The following DNAJC6 variants were observed in gnomAD, a reference collection of about 807,000 sequenced individuals.
DNAJC6 encodes DnaJ heat shock protein family (Hsp40) member C6.
DNAJC6 carries 34 observed loss-of-function variants against 110.0 expected under a neutral mutation model. That is an observed-to-expected ratio of 0.31 (90% confidence interval 0.24 to 0.41). The LOEUF is 0.41. DNAJC6 is among the 10% of genes least tolerant of loss of function. DNAJC6 has a pLI of 1.00. For synonymous variants in DNAJC6, 406 were observed against 437.2 expected, an observed-to-expected ratio of 0.93 and a Z score of 0.89; for missense variants, 1,031 against 1,207.8, an observed-to-expected ratio of 0.85 and a Z score of 2.17.
At chr1:65,322,065 A>T (rs766678171) in intron 1 of DNAJC6, among the ~76,000 whole-genome samples, 7 of 152,202 alleles carry the variant, frequency 4.6e-5, no homozygotes, top group Non-Finnish European at 8.8e-5. Context: ...TGTCTCCATT[A>T]TGCCTCTCAT....
chr1:65,408,893 C>A, intron 17 of DNAJC6, 110 bp downstream of exon 17: 1 of 1,296,230 alleles, frequency 7.7e-7, no homozygotes, highest in Non-Finnish European at 1.0e-6. Flanking sequence ...TTAGCCCATT[C>A]AGGCTGCTAT....
chr1:65,278,337 T>G (rs1231866486), intron 1 of DNAJC6, among the ~76,000 whole-genome samples: 1 of 152,220 alleles, frequency 6.6e-6, no homozygotes, highest in Non-Finnish European at 1.5e-5. Flanking sequence ...GGTCAATTCA[T>G]GTGACATAGT....
chr1:65,384,134 C>T (rs927333400), intron 5 of DNAJC6, 59 bp from the exon 6 acceptor site: 1 of 1,348,866 alleles, frequency 7.4e-7, no homozygotes, highest in Non-Finnish European at 9.6e-7. Flanking sequence ...CTGCCATTTT[C>T]AATGGAGAAT....
intron 1 of DNAJC6, among the ~76,000 whole-genome samples, chr1:65,293,431 C>T (rs992018797): frequency 1.7e-4 from 26 of 152,116 alleles, no homozygotes; most frequent in African/African-American, 4.8e-4. Context: ...CCAAAGGCCC[C>T]CATCTCCAAA....
intron 4 of DNAJC6, among the ~76,000 whole-genome samples, chr1:65,376,913 G>A (rs1047141664): frequency 7.9e-5 from 12 of 152,234 alleles, no homozygotes; most frequent in African/African-American, 2.6e-4. Flanking sequence ...GGGATTACTG[G>A]TGCCTGGCAC....
At chr1:65,302,411 T>G (rs1570245300) in intron 1 of DNAJC6, among the ~76,000 whole-genome samples, 1 of 149,334 alleles carries the variant, frequency 6.7e-6, no homozygotes, top group East Asian at 2.0e-4. Flanking sequence ...AACAGGTGAT[T>G]AGGCCATAAG....
intron 1 of DNAJC6, among the ~76,000 whole-genome samples, chr1:65,268,089 T>C (rs1653395363): frequency 6.6e-6 from 1 of 152,184 alleles, no homozygotes; most frequent in Non-Finnish European, 1.5e-5. Flanking sequence ...TTGTAAAGAC[T>C]GAAAAAGAGA....
At chr1:65,335,275 A>AT (rs71056101) in intron 1 of DNAJC6, among the ~76,000 whole-genome samples, 38,792 of 146,474 alleles carry the variant, frequency 0.26, 7,668 homozygotes, top group African/African-American at 0.52. Context: ...CGCCCAGCTA[A>AT]TTTTTTTTTT....
chr1:65,304,608 T>C (rs565974059), upstream of DNAJC6, among the ~76,000 whole-genome samples: 1 of 152,320 alleles, frequency 6.6e-6, no homozygotes, highest in Admixed American at 6.5e-5. Flanking sequence ...AGAAGGAGAA[T>C]GGATCAAGGC....
At position 65,347,596 on chromosome 1, in the gene DNAJC6, A is replaced by T. The variant is rs148107088; in HGVS notation, c.194-17039A>T. On this transcript the variant is annotated intron_variant, in intron 1 of 18. Coordinates refer to ENST00000371069, the MANE Select transcript of DNAJC6 (RefSeq NM_001256864.2). ...TTTAATGTATAAAATATAACAAAATATAGGTAATGTTTATATTTATATCTG... is the reference window on the plus strand; with the variant it reads ...TTTAATGTATAAAATATAACAAAATTTAGGTAATGTTTATATTTATATCTG... 3.3e-5 allele frequency among the ~76,000 whole-genome samples: 5 copies of T among 152,258 alleles called. No homozygotes were observed. In the East Asian group the frequency reaches 9.6e-4, roughly 29 times the overall value.
At chr1:65,379,050 TA>T (rs1645793244) in intron 4 of DNAJC6, among the ~76,000 whole-genome samples, 1 of 152,226 alleles carries the variant, frequency 6.6e-6, no homozygotes, top group Non-Finnish European at 1.5e-5. Flanking sequence ...TATAACCCTA[TA>T]ATTAAACATT....
At chr1:65,353,922 A>G (rs977706684) in intron 1 of DNAJC6, among the ~76,000 whole-genome samples, 1 of 152,180 alleles carries the variant, frequency 6.6e-6, no homozygotes, top group African/African-American at 2.4e-5. Context: ...CCTACAGTTA[A>G]GCAAAGACCA....
chr1:65,326,196 C>T (rs1369461445), intron 1 of DNAJC6, among the ~76,000 whole-genome samples: 1 of 152,036 alleles, frequency 6.6e-6, no homozygotes, highest in African/African-American at 2.4e-5. Context: ...TGTGTAGAAC[C>T]CTGTTTGCCA....
chr1:65,366,798 A>G (rs1270166405), intron 4 of DNAJC6, among the ~76,000 whole-genome samples: 2 of 152,146 alleles, frequency 1.3e-5, no homozygotes, highest in Non-Finnish European at 2.9e-5. Context: ...ACATCTCTAA[A>G]TATTTTTGAC....
intron 1 of DNAJC6, among the ~76,000 whole-genome samples, chr1:65,354,147 C>T (rs1215486915): frequency 1.3e-5 from 2 of 152,122 alleles, no homozygotes; most frequent in Admixed American, 1.3e-4. Context: ...GAGGTAGACT[C>T]ATTCACAAGT....
chr1:65,274,419 C>A lies in DNAJC6; in HGVS notation c.-131+9487C>A, dbSNP rs556712436. On this transcript the variant is annotated intron_variant, in intron 1 of 19. Transcript: ENST00000263441. Reference sequence around the variant, plus strand: ...GCATCCTCCGCCTCCTGGGTTCAAGCGATTCTCCTGCCTCAGCCTCCCAAG... The same window carrying A: ...GCATCCTCCGCCTCCTGGGTTCAAGAGATTCTCCTGCCTCAGCCTCCCAAG... Among the ~76,000 whole-genome samples, 6 of 152,060 alleles carry A rather than the reference C, an allele frequency of 3.9e-5. No individual in the cohort carries two copies. The East Asian group carries it at 1.2e-3, about 29-fold the overall frequency.
intron 17 of DNAJC6, among the ~76,000 whole-genome samples, chr1:65,409,157 A>G (rs774793635): frequency 1.3e-5 from 2 of 152,202 alleles, no homozygotes; most frequent in Non-Finnish European, 2.9e-5. Context: ...TCACCTCCCA[A>G]TAGGAAGCCC....
intron 1 of DNAJC6, among the ~76,000 whole-genome samples, chr1:65,342,868 T>G (rs1645402094): frequency 6.6e-6 from 1 of 152,206 alleles, no homozygotes; most frequent in Non-Finnish European, 1.5e-5. Context: ...TTAGATGGCT[T>G]ACCCTGGTAA....
At chr1:65,329,270 T>C (rs1403584229) in intron 1 of DNAJC6, among the ~76,000 whole-genome samples, 3 of 152,174 alleles carry the variant, frequency 2.0e-5, no homozygotes, top group Non-Finnish European at 4.4e-5. Flanking sequence ...CTTCATCTTC[T>C]GAGCTTGTCA....
Sources: gnomAD v4.1 joint callset for allele counts (sites outside exome capture counted in the v4.1 genomes callset) on GRCh38, gnomAD v4.1.1 for gene constraint, MANE v1.5 for transcripts, NCBI Gene and HGNC (gene_info 2026-07-23, HGNC 2026-07-21) for gene names.